The following GRK4 variants were observed in gnomAD, a reference collection of about 807,000 sequenced individuals.
GRK4 encodes the protein G protein-coupled receptor kinase 4.
Under a neutral mutation model 77.9 loss-of-function variants are expected in GRK4, and 73 were observed. That is an observed-to-expected ratio of 0.94 (90% CI 0.78 to 1.14). GRK4 has a LOEUF of 1.14. Among genes scored for constraint, GRK4 ranks in the 50% most tolerant of loss-of-function variants. GRK4 has a pLI of 0.00. For synonymous variants in GRK4, 257 were observed against 254.4 expected, an observed-to-expected ratio of 1.01 and a Z score of -0.10; for missense variants, 729 against 700.2, an observed-to-expected ratio of 1.04 and a Z score of -0.46.
At chr4:2,976,510 T>C (rs543834078) in intron 1 of GRK4, among the ~76,000 whole-genome samples, 1 of 152,244 alleles carries the variant, frequency 6.6e-6, no homozygotes, top group East Asian at 1.9e-4. Context: ...AGATTCCAAT[T>C]TGAAATTTGA....
intron 1 of GRK4, among the ~76,000 whole-genome samples, chr4:2,970,763 A>G (rs903743384): frequency 6.0e-5 from 9 of 151,064 alleles, no homozygotes; most frequent in Non-Finnish European, 8.8e-5. Context: ...TCTGCCTCCC[A>G]GGTTCACGCC....
chr4:2,968,168 TTAAA>T (rs1718365678), intron 1 of GRK4, among the ~76,000 whole-genome samples: 1 of 152,220 alleles, frequency 6.6e-6, no homozygotes. Context: ...CTTTTATGCT[TTAAA>T]TAAGCTTAAA....
chr4:3,009,564 G>A (rs1324033638), intron 6 of GRK4, 84 bp from the exon 7 acceptor site: 10 of 1,000,370 alleles, frequency 1.0e-5, no homozygotes, highest in Non-Finnish European at 6.3e-6. Flanking sequence ...AATAAATGAG[G>A]CGAAGACAAG....
chr4:2,988,393 G>A (rs1725065215), intron 2 of GRK4, among the ~76,000 whole-genome samples: 2 of 151,992 alleles, frequency 1.3e-5, no homozygotes, highest in Admixed American at 6.6e-5. Flanking sequence ...TCTTTTATCC[G>A]TTTTAAAAAT....
chr4:3,035,348 C>T, intron 12 of GRK4, 38 bp from the exon 13 acceptor site: 5 of 1,611,932 alleles, frequency 3.1e-6, no homozygotes, highest in Non-Finnish European at 4.2e-6. Context: ...TCATTTTTAT[C>T]CAGAGGCTCA....
At chr4:3,031,160 C>T (rs1170157505) in intron 12 of GRK4, among the ~76,000 whole-genome samples, 3 of 152,126 alleles carry the variant, frequency 2.0e-5, no homozygotes, top group East Asian at 3.9e-4. Flanking sequence ...CAGCAGCCAG[C>T]GCACGGGGAG....
chr4:2,995,493 A>C (rs1727555044), intron 4 of GRK4, among the ~76,000 whole-genome samples: 1 of 146,800 alleles, frequency 6.8e-6, no homozygotes, highest in African/African-American at 2.6e-5. Flanking sequence ...ACATGGTGAA[A>C]CCTCATCTCT....
chr4:2,992,089 G>GCTGGCCTCGAACT, intron 3 of GRK4, 126 bp from the exon 4 acceptor site: 1 of 558,794 alleles, frequency 1.8e-6, no homozygotes, highest in South Asian at 2.2e-5. Flanking sequence ...TGTTGCTCAG[G>GCTGGCCTCGAACT]CTGGCCTCGA....
chr4:2,992,583 G>A (rs978838242), intron 4 of GRK4, among the ~76,000 whole-genome samples: 2 of 151,998 alleles, frequency 1.3e-5, no homozygotes, highest in South Asian at 2.1e-4. Context: ...CTTGGGAGGT[G>A]AGGTGGGAGG....
At chr4:2,994,657 A>G (rs999904277) in intron 4 of GRK4, among the ~76,000 whole-genome samples, 3 of 152,260 alleles carry the variant, frequency 2.0e-5, no homozygotes, top group African/African-American at 7.2e-5. Context: ...AAAATGAATC[A>G]TGGTAGATAT....
chr4:3,019,164 A>G (rs1257626237), intron 8 of GRK4, among the ~76,000 whole-genome samples: 5 of 152,240 alleles, frequency 3.3e-5, no homozygotes, highest in African/African-American at 1.2e-4. Context: ...GCATATATAG[A>G]GAAATGCAAA....
chr4:3,001,091 G>A (rs78169053), intron 4 of GRK4, among the ~76,000 whole-genome samples: 9,694 of 77,900 alleles, frequency 0.12, 1,471 homozygotes, highest in African/African-American at 0.24. Context: ...ATATATATAT[G>A]TGTGTGTGTG....
intron 2 of GRK4, among the ~76,000 whole-genome samples, chr4:2,987,685 A>G (rs1223469463): frequency 6.6e-6 from 1 of 152,150 alleles, no homozygotes; most frequent in Non-Finnish European, 1.5e-5. Context: ...TCACGGCTGT[A>G]ATCCCAGCAC....
chr4:2,967,299 T>G (rs1718007304), intron 1 of GRK4, among the ~76,000 whole-genome samples: 2 of 152,270 alleles, frequency 1.3e-5, no homozygotes, highest in Admixed American at 1.3e-4. Flanking sequence ...AGCCTTTTCC[T>G]TTCAGGAATG....
chr4:3,010,998 C>T (rs1732766836), intron 7 of GRK4, among the ~76,000 whole-genome samples: 1 of 152,184 alleles, frequency 6.6e-6, no homozygotes, highest in African/African-American at 2.4e-5. Flanking sequence ...CAATCGTATG[C>T]TTGCTCTAAT....
intron 12 of GRK4, among the ~76,000 whole-genome samples, chr4:3,032,318 T>TAA (rs386399080): frequency 0.48 from 71,776 of 149,472 alleles, 17,309 homozygotes; most frequent in South Asian, 0.68. Context: ...CTATCTCTAC[T>TAA]AAAAAAAAAA....
At chr4:2,995,385 T>C (rs576356236) in intron 4 of GRK4, among the ~76,000 whole-genome samples, 1 of 152,062 alleles carries the variant, frequency 6.6e-6, no homozygotes, top group African/African-American at 2.4e-5. Context: ...AGAGTTTACT[T>C]GGACCAGGTG....
chr4:2,965,668 C>T, intron 1 of GRK4: 2 of 573,240 alleles, frequency 3.5e-6, no homozygotes, highest in South Asian at 2.0e-5. Context: ...ACAGCAAGAC[C>T]ATCTCTTTAA....
At chr4:3,003,031 C>T (rs1730300963) in intron 4 of GRK4, among the ~76,000 whole-genome samples, 1 of 152,106 alleles carries the variant, frequency 6.6e-6, no homozygotes, top group Non-Finnish European at 1.5e-5. Flanking sequence ...CAGAACCGAC[C>T]TTTTCATCTC....
Sources: allele counts gnomAD v4.1 joint callset (sites outside exome capture counted in the v4.1 genomes callset), GRCh38; gene constraint gnomAD v4.1.1; transcripts MANE v1.5; gene names NCBI Gene and HGNC (gene_info 2026-07-23, HGNC 2026-07-21).